The following CNTNAP2 variants were observed in gnomAD, a reference collection of about 807,000 sequenced individuals.
CNTNAP2 encodes the protein contactin-associated protein-like 2.
CNTNAP2 carries 98 observed loss-of-function variants against 155.2 expected under a neutral mutation model. The ratio of observed to expected loss-of-function variants is 0.63; its 90% CI spans 0.54 to 0.75. The LOEUF (loss-of-function observed/expected upper bound fraction) is 0.75, where lower values mean the gene tolerates loss of function less well. CNTNAP2 is among the 30% of genes least tolerant of loss of function. The probability of loss-of-function intolerance (pLI) is 0.00; values close to 1 mark genes in which losing one functional copy is unlikely to be tolerated. For synonymous variants in CNTNAP2, 651 were observed against 631.2 expected (o/e 1.03, Z -0.47); for missense variants, 1,727 against 1,688.1 (o/e 1.02, Z -0.40).
At chr7:148,146,679 G>A (rs935812067) in intron 16 of CNTNAP2, among the ~76,000 whole-genome samples, 1 of 152,116 alleles carries the variant, frequency 6.6e-6, no homozygotes, top group Non-Finnish European at 1.5e-5. Flanking sequence ...CTCCAGAAAT[G>A]TTGTGCTACC....
intron 14 of CNTNAP2, among the ~76,000 whole-genome samples, chr7:147,916,581 CT>C (rs967751051): frequency 2.3e-5 from 2 of 87,434 alleles, no homozygotes; most frequent in African/African-American, 5.5e-5. Context: ...TTCAAAAGAG[CT>C]TTTTTTCTGA....
At chr7:147,793,276 A>G (rs550098386) in intron 13 of CNTNAP2, among the ~76,000 whole-genome samples, 1 of 152,068 alleles carries the variant, frequency 6.6e-6, no homozygotes, top group Non-Finnish European at 1.5e-5. Flanking sequence ...AGACATGAAG[A>G]CTTACTACAC....
chr7:147,176,884 A>G (rs1360842333), intron 8 of CNTNAP2, among the ~76,000 whole-genome samples: 1 of 127,198 alleles, frequency 7.9e-6, no homozygotes, highest in Non-Finnish European at 1.6e-5. Context: ...TATAATATAT[A>G]ATTATATATT....
chr7:146,839,860 A>C lies in CNTNAP2; in HGVS notation c.358A>C (p.Thr120Pro). 6.2e-7 allele frequency: 1 copy of C among 1,614,216 alleles called. No homozygotes were observed. The highest frequency in any genetic ancestry group is 8.5e-7 in the Non-Finnish European group (1 of 1,180,038). The change falls in exon 3 of 24, where the codon ACA becomes CCA. Residue 120 changes from threonine to proline, a missense_variant. Transcript: ENST00000361727. The part of the protein sequence containing the change: ...VTQYRMLYSD[T>P]GRNWKPYHQD... Reference sequence around the variant, plus strand: ...CCAATACCGGATGCTCTACAGCGACACAGGGAGAAACTGGAAACCCTATCA... The same window carrying C: ...CCAATACCGGATGCTCTACAGCGACCCAGGGAGAAACTGGAAACCCTATCA...
intron 10 of CNTNAP2, among the ~76,000 whole-genome samples, chr7:147,450,149 C>T (rs1269821294): frequency 2.6e-5 from 4 of 152,192 alleles, no homozygotes; most frequent in Non-Finnish European, 5.9e-5. Flanking sequence ...AATCACATCA[C>T]TCTATAAAAG....
chr7:147,529,588 T>C (rs991579323), intron 11 of CNTNAP2, among the ~76,000 whole-genome samples: 1 of 152,134 alleles, frequency 6.6e-6, no homozygotes, highest in Non-Finnish European at 1.5e-5. Flanking sequence ...GTTTATGAAG[T>C]CAAACTATTA....
chr7:146,678,463 T>C (rs188962212), intron 1 of CNTNAP2, among the ~76,000 whole-genome samples: 62 of 152,272 alleles, frequency 4.1e-4, no homozygotes, highest in Middle Eastern at 6.8e-3. Context: ...CAAGGACCTT[T>C]GAAAATGCAA....
chr7:146,447,139 G>A (rs1796413504), intron 1 of CNTNAP2, among the ~76,000 whole-genome samples: 2 of 151,978 alleles, frequency 1.3e-5, no homozygotes, highest in South Asian at 4.1e-4. Flanking sequence ...ATATACTTCT[G>A]CTAGATTTAT....
chr7:146,558,104 G>T (rs1798223613), intron 1 of CNTNAP2, among the ~76,000 whole-genome samples: 1 of 152,150 alleles, frequency 6.6e-6, no homozygotes, highest in African/African-American at 2.4e-5. Context: ...GCAGGACCTG[G>T]TTACCTTGTA....
intron 3 of CNTNAP2, among the ~76,000 whole-genome samples, chr7:146,885,939 G>C (rs1015981033): frequency 2.3e-5 from 2 of 87,632 alleles, no homozygotes; most frequent in Non-Finnish European, 5.1e-5. Context: ...GTGTGTGTGT[G>C]TGTGTGTGTG....
At chr7:147,852,118 C>T (rs1798955597) in intron 13 of CNTNAP2, among the ~76,000 whole-genome samples, 1 of 152,140 alleles carries the variant, frequency 6.6e-6, no homozygotes, top group Non-Finnish European at 1.5e-5. Context: ...GAGGTATGCA[C>T]AACCTCACGG....
At chr7:146,441,309 G>A (rs1158452134) in intron 1 of CNTNAP2, among the ~76,000 whole-genome samples, 2 of 151,416 alleles carry the variant, frequency 1.3e-5, no homozygotes, top group Non-Finnish European at 2.9e-5. Flanking sequence ...ATTTTTTGGG[G>A]GGTTTGTGAC....
intron 2 of CNTNAP2, among the ~76,000 whole-genome samples, chr7:146,806,861 G>A (rs1160293246): frequency 6.6e-6 from 1 of 152,134 alleles, no homozygotes; most frequent in East Asian, 1.9e-4. Flanking sequence ...TAACCTGAAT[G>A]ACTTAGTCTC....
chr7:148,294,603 A>C (rs932942117), intron 21 of CNTNAP2, among the ~76,000 whole-genome samples: 1 of 152,206 alleles, frequency 6.6e-6, no homozygotes, highest in Non-Finnish European at 1.5e-5. Flanking sequence ...TCAAAAAATC[A>C]GTCCACTTTC....
intron 15 of CNTNAP2, among the ~76,000 whole-genome samples, chr7:148,041,596 C>G (rs149827465): frequency 2.4e-4 from 37 of 152,302 alleles, no homozygotes; most frequent in Admixed American, 3.9e-4. Context: ...TCTGGTAGCT[C>G]CTGTTTTCTT....
chr7:148,044,571 C>G (rs1212411719), intron 15 of CNTNAP2: 1 of 152,160 alleles, frequency 6.6e-6, no homozygotes, highest in Non-Finnish European at 1.5e-5. Flanking sequence ...AAAAGAGGCC[C>G]AAGGAAGCTT....
intron 13 of CNTNAP2, among the ~76,000 whole-genome samples, chr7:147,800,429 A>G (rs537388561): frequency 1.5e-3 from 236 of 152,268 alleles, no homozygotes; most frequent in Non-Finnish European, 2.1e-3. Flanking sequence ...AGGCCATTTA[A>G]AAAGAGAATT....
Position 147,145,601 on chromosome 7 carries a change from A to G in CNTNAP2, c.1348+13092A>G, listed in dbSNP as rs1801686841. On this transcript the variant is annotated intron_variant, in intron 8 of 23. Transcript: ENST00000361727. ...TCCACGGACTTCCATTTTCTCCCATACTGAATAACAAGTTAACACGTTTAG... is the reference window on the plus strand; with the variant it reads ...TCCACGGACTTCCATTTTCTCCCATGCTGAATAACAAGTTAACACGTTTAG... 1.3e-5 allele frequency among the ~76,000 whole-genome samples: 2 copies of G among 152,028 alleles called. 1 individual carries two copies. Among genetic ancestry groups the G allele is most frequent in the South Asian group, 4.2e-4 (2 of 4,818 alleles).
chr7:147,142,728 T>C (rs1038058312), intron 8 of CNTNAP2, among the ~76,000 whole-genome samples: 1 of 152,162 alleles, frequency 6.6e-6, no homozygotes, highest in African/African-American at 2.4e-5. Flanking sequence ...GTTGTGCACA[T>C]GTACCCTAAA....
Sources: gnomAD v4.1 joint callset for allele counts (sites outside exome capture counted in the v4.1 genomes callset) on GRCh38, gnomAD v4.1.1 for gene constraint, MANE v1.5 for transcripts, NCBI Gene and HGNC (gene_info 2026-07-23, HGNC 2026-07-21) for gene names.